Variants in ZNRF1 observed in about 807,000 individuals in gnomAD.
ZNRF1 encodes the protein E3 ubiquitin-protein ligase ZNRF1.
Under a neutral mutation model 18.4 loss-of-function variants are expected in ZNRF1, and 3 were observed. That is an observed-to-expected ratio of 0.16 (90% CI 0.07 to 0.42). ZNRF1 has a LOEUF of 0.42. ZNRF1 is among the 10% of genes least tolerant of loss of function. The pLI is 0.99. For synonymous variants in ZNRF1, 157 were observed against 144.2 expected, an observed-to-expected ratio of 1.09 and a Z score of -0.64; for missense variants, 310 against 329.8, an observed-to-expected ratio of 0.94 and a Z score of 0.47.
intron 1 of ZNRF1, among the ~76,000 whole-genome samples, chr16:75,091,306 C>T (rs923833775): frequency 1.3e-5 from 2 of 148,150 alleles, no homozygotes; most frequent in African/African-American, 2.5e-5. Context: ...TTGCAGTGAG[C>T]GGAGATCGTG....
In ZNRF1 at chr16:74,999,695, G is replaced by T; in HGVS notation, c.24G>T (p.Ala8=). Residue 8 remains alanine, a synonymous_variant, in exon 1 of 5, where the codon GCG becomes GCT. Coordinates refer to ENST00000335325, the MANE Select transcript of ZNRF1 (RefSeq NM_032268.5). MGGKQST[A]ARSRGPFPGV... ...GCATGGGGGGCAAGCAGAGCACGGC[G>T]GCCCGCTCCCGGGGCCCCTTCCCGG... is the stretch of plus-strand genomic sequence containing the variant. 7.4e-7 allele frequency: 1 copy of T among 1,360,054 alleles called. No individual in the cohort carries two copies. The highest frequency in any genetic ancestry group is 9.4e-7 in the Non-Finnish European group (1 of 1,062,638). The allele number at this position is 1,360,054 out of a possible 1,614,324, so 84.2% of individuals were successfully genotyped here.
At chr16:75,100,334 T>C (rs1447230666) in intron 2 of ZNRF1, among the ~76,000 whole-genome samples, 1 of 152,222 alleles carries the variant, frequency 6.6e-6, no homozygotes, top group Non-Finnish European at 1.5e-5. Context: ...CTGAGTCCTT[T>C]AGTGCACAGG....
At chr16:75,067,906 C>A (rs2035824564) in intron 1 of ZNRF1, among the ~76,000 whole-genome samples, 1 of 152,126 alleles carries the variant, frequency 6.6e-6, no homozygotes, top group South Asian at 2.1e-4. Context: ...AAATTAAATG[C>A]TTTTTCTTAA....
At chr16:75,089,951 G>C (rs2036116311) in intron 1 of ZNRF1, among the ~76,000 whole-genome samples, 1 of 152,182 alleles carries the variant, frequency 6.6e-6, no homozygotes, top group Non-Finnish European at 1.5e-5. Flanking sequence ...TACCTGCAAG[G>C]TGTAGTTTTG....
intron 1 of ZNRF1, among the ~76,000 whole-genome samples, chr16:75,091,348 G>A (rs1429550862): frequency 4.4e-4 from 51 of 116,782 alleles, no homozygotes; most frequent in African/African-American, 1.6e-3. Context: ...AACAGAGTAA[G>A]ACTCCATCTC....
rs767247737 is a variant in ZNRF1 at position 75,000,084 on chromosome 16, G to C, written c.413G>C (p.Ser138Thr). 1.2e-5 allele frequency: 20 copies of C among 1,601,102 alleles called. No homozygotes were observed. The highest frequency in any genetic ancestry group is 1.7e-5 in the Non-Finnish European group (20 of 1,175,064). The change falls in exon 1 of 5, where the codon AGC (serine) becomes ACC (threonine). Residue 138 changes from serine (S) to threonine (T), a missense_variant. Physicochemically the swap from Ser to Thr is moderately conservative, Grantham distance 58. Around this residue, in one of 2 missense-constraint regions of ZNRF1, gnomAD observed 293 missense variants for 291.2 expected, o/e 1.01. Transcript: ENST00000335325. Reference protein sequence around the residue: ...LPLHIAPRWFSSHSGFKCPIC... With the variant: ...LPLHIAPRWFTSHSGFKCPIC... The stretch of plus-strand genomic sequence containing the variant: ...CTGCACATCGCACCCAGGTGGTTCA[G>C]CTCGCATAGTGGTGAGTCCGCGGGT...
At chr16:75,073,158 C>CTCTCTG (rs1555513186) in intron 1 of ZNRF1, among the ~76,000 whole-genome samples, 5 of 150,996 alleles carry the variant, frequency 3.3e-5, no homozygotes, top group African/African-American at 1.2e-4. Context: ...CTCTCTGTCT[C>CTCTCTG]TCTGTCTATA....
At chr16:75,107,695 C>T (rs1289046600) in intron 4 of ZNRF1, 38 bp from the exon 5 acceptor site, 1 of 456,286 alleles carries the variant, frequency 2.2e-6, no homozygotes, top group Admixed American at 2.3e-5. Flanking sequence ...CAGCCCTCGG[C>T]CCGATGGAGC....
At chr16:75,105,081 G>A in intron 3 of ZNRF1, 192 bp downstream of exon 3, 1 of 531,816 alleles carries the variant, frequency 1.9e-6, no homozygotes, top group Non-Finnish European at 3.4e-6. Flanking sequence ...CCCAAGTGCA[G>A]AGCAGAGTGG....
chr16:75,061,310 C>A (rs933018290), intron 1 of ZNRF1, among the ~76,000 whole-genome samples: 4 of 152,176 alleles, frequency 2.6e-5, no homozygotes, highest in Admixed American at 6.5e-5. Context: ...CCCCCAGTAC[C>A]CTTCCCAACC....
chr16:75,093,563 C>G lies in ZNRF1; in HGVS notation c.425-9C>G. 12 of 1,610,678 alleles carry G rather than the reference C, an allele frequency of 7.5e-6. No homozygotes were observed. The highest frequency in any genetic ancestry group is 1.0e-5 in the Non-Finnish European group (12 of 1,176,952). On this transcript the variant is annotated splice_polypyrimidine_tract_variant and intron_variant, in intron 1 of 4. Transcript: ENST00000335325. ...AGAAAACATTTCATCCCATTCTCCT[C>G]TCTTTCAGGTTTCAAGTGCCCCATT...
rs2036374619 is a variant in ZNRF1 at position 75,110,908 on chromosome 16, TGAG to T, written c.*3209_*3211del. ...TGCTGGGGTGGTTTGGGGAGAGGGC[TGAG>T]ATTTGTCACCAGTGAGCCCTTGGCA... is the stretch of plus-strand genomic sequence containing the variant. On this transcript the variant is annotated 3_prime_UTR_variant, in exon 5 of 5. Transcript: ENST00000335325. 6.6e-6 allele frequency: 1 copy of T among 151,274 alleles called. No individual in the cohort carries two copies. The highest frequency in any genetic ancestry group is 2.1e-4 in the South Asian group (1 of 4,792). 9.4% of individuals were successfully genotyped at this position (151,274 alleles called of 1,614,324 possible).
rs2036343195 is a variant in ZNRF1, at chr16:75,108,517, C to T, written c.*817C>T. 1 of 398,416 alleles carries T rather than the reference C, an allele frequency of 2.5e-6. No homozygotes were observed. Among genetic ancestry groups the T allele is most frequent in the South Asian group, 1.3e-4 (1 of 7,844 alleles). The allele number at this position is 398,416 out of a possible 1,614,324, so 24.7% of individuals were successfully genotyped here. A position where few individuals can be genotyped will look rare whatever the true frequency, so the allele number is the denominator to read the frequency against. ...GTACAGCTACCCCTGTTTTCAGGCA[C>T]TATGTTTGAGAACATTTTAGCCATT... On this transcript the variant is annotated 3_prime_UTR_variant, in exon 5 of 5. Transcript: ENST00000335325.
In ZNRF1 at chr16:74,999,162, C is replaced by G. The variant is rs1253328306; in HGVS notation, c.-510C>G. 1 of 146,958 alleles carries G rather than the reference C, an allele frequency of 6.8e-6. No individual in the cohort carries two copies. The highest frequency in any genetic ancestry group is 2.0e-4 in the East Asian group (1 of 5,096). The allele number at this position is 146,958 out of a possible 1,614,324, so 9.1% of individuals were successfully genotyped here. A position where few individuals can be genotyped will look rare whatever the true frequency, so the allele number is the denominator to read the frequency against. ...GGCTTCCCGAGCTGCGCCTGGCCGC[C>G]CAGCGCCGCGGCCCGCCCGAGGCCT... is the stretch of plus-strand genomic sequence containing the variant. On this transcript the variant is annotated 5_prime_UTR_variant, in exon 1 of 5. Transcript: ENST00000335325.
chr16:75,057,731 G>C (rs2035685893), intron 1 of ZNRF1, among the ~76,000 whole-genome samples: 1 of 152,214 alleles, frequency 6.6e-6, no homozygotes, highest in Non-Finnish European at 1.5e-5. Flanking sequence ...CGTCTCCCGG[G>C]TTCAAGTGAT....
intron 2 of ZNRF1, chr16:75,104,226 T>C (rs2036286678): frequency 6.6e-6 from 1 of 152,458 alleles, no homozygotes; most frequent in Admixed American, 6.5e-5. Flanking sequence ...AATATTCCAT[T>C]GTGTGGATAC....
chr16:75,088,588 ACT>A (rs747415331), intron 1 of ZNRF1, among the ~76,000 whole-genome samples: 12 of 151,920 alleles, frequency 7.9e-5, no homozygotes, highest in Non-Finnish European at 1.3e-4. Flanking sequence ...CTGCCATGTA[ACT>A]CTTCTGTGCT....
rs1049625347 is a variant in ZNRF1, at chr16:74,999,801, A to G, written c.130A>G (p.Met44Val). The G allele has an allele frequency of 7.7e-6, 11 of 1,427,012 alleles. No homozygotes were observed. The African/African-American group carries it at 1.6e-4, about 21-fold the overall frequency. 88.4% of individuals were successfully genotyped at this position (1,427,012 alleles called of 1,614,324 possible). ...FGHYRTGGGAMGLRSRSVSSV... is the reference protein window; with the variant it reads ...FGHYRTGGGAVGLRSRSVSSV... ...GCACTACCGGACGGGCGGCGGGGCCATGGGGCTGCGCAGCCGCTCGGTCAG... is the reference window on the plus strand; with the variant it reads ...GCACTACCGGACGGGCGGCGGGGCCGTGGGGCTGCGCAGCCGCTCGGTCAG... Residue 44 changes from methionine (M) to valine (V), a missense_variant, in exon 1 of 5, where the codon ATG becomes GTG. Transcript: ENST00000335325.
chr16:75,016,699 CTTTTT>C (rs35899706), intron 1 of ZNRF1, among the ~76,000 whole-genome samples: 6 of 99,512 alleles, frequency 6.0e-5, no homozygotes, highest in African/African-American at 2.1e-4. Context: ...CCATGCCTGG[CTTTTT>C]TTTTTTTTTT....
Sources: allele counts gnomAD v4.1 joint callset (sites outside exome capture counted in the v4.1 genomes callset), GRCh38; gene constraint gnomAD v4.1.1; regional missense constraint gnomAD v4.1.1; transcripts MANE v1.5; gene names NCBI Gene and HGNC (gene_info 2026-07-23, HGNC 2026-07-21).